Variants in PLP1 observed in about 807,000 individuals in gnomAD.
PLP1 encodes the protein proteolipid protein 1, also known as myelin proteolipid protein.
In PLP1, 2 loss-of-function variants were observed where a neutral mutation model predicts 18.5. The observed-to-expected ratio is 0.11, with a 90% confidence interval of 0.04 to 0.34. PLP1 has a LOEUF of 0.34. PLP1 is among the 10% of genes least tolerant of loss of function. The pLI is 1.00. For missense variants in PLP1, 105 were observed against 207.3 expected (o/e 0.51, Z 3.03); for synonymous variants, 86 against 83.2 (o/e 1.03, Z -0.19).
intron 3 of PLP1, 198 bp from the exon 4 acceptor site, chrX:103,787,600 G>A (rs1482516111): frequency 2.0e-5 from 9 of 456,144 alleles, no homozygotes; most frequent in Non-Finnish European, 3.1e-5. Context: ...CCCACCCTCC[G>A]TTATACTGGG....
intron 2 of PLP1, 149 bp from the exon 3 acceptor site, chrX:103,786,316 G>A: frequency 2.8e-6 from 3 of 1,056,859 alleles, no homozygotes. Flanking sequence ...TAAGGTGAAA[G>A]CATGCAGGAG....
chrX:103,779,940 G>C (rs2074438851), intron 1 of PLP1: 1 of 112,731 alleles, frequency 8.9e-6, no homozygotes, highest in African/African-American at 3.2e-5. Context: ...CAGGTCTAAA[G>C]AAGACCAAGT....
At chrX:103,780,431 G>GTC (rs35713329) in intron 1 of PLP1, among the ~76,000 whole-genome samples, 1 of 90,423 alleles carries the variant, frequency 1.1e-5, no homozygotes, top group Non-Finnish European at 2.3e-5. Flanking sequence ...CATTCATTCT[G>GTC]TCTCTCTCTG....
At chrX:103,782,074 T>C (rs1235369767) in intron 1 of PLP1, among the ~76,000 whole-genome samples, 1 of 112,521 alleles carries the variant, frequency 8.9e-6, no homozygotes, top group Non-Finnish European at 1.9e-5. Context: ...GAAAAAATAA[T>C]TTCTTGCAGG....
intron 1 of PLP1, chrX:103,781,234 G>C: frequency 3.3e-6 from 1 of 301,614 alleles, no homozygotes. Flanking sequence ...GGGAGGGAGG[G>C]TTGGGAGCTC....
chrX:103,780,433 C>CTGTG (rs1410759465), intron 1 of PLP1, among the ~76,000 whole-genome samples: 21 of 26,595 alleles, frequency 7.9e-4, no homozygotes, highest in African/African-American at 2.5e-3. Context: ...TTCATTCTGT[C>CTGTG]TCTCTCTGTG....
At chrX:103,789,090 A>G in intron 5 of PLP1, 2 of 421,693 alleles carry the variant, frequency 4.7e-6, no homozygotes, top group Non-Finnish European at 4.2e-6. Flanking sequence ...GAACCAGTTA[A>G]TTATTTTGGA....
At chrX:103,786,804 C>T in intron 3 of PLP1, 78 bp downstream of exon 3, 2 of 1,066,367 alleles carry the variant, frequency 1.9e-6, no homozygotes, top group Non-Finnish European at 2.6e-6. Flanking sequence ...TCGTCCCCAC[C>T]CAAGGCTGGG....
At chrX:103,786,005 A>T (rs1442384379) in intron 2 of PLP1, 1 of 751,084 alleles carries the variant, frequency 1.3e-6, no homozygotes, top group Non-Finnish European at 1.8e-6. Context: ...GTTTTCTTAC[A>T]CGTGTTCTGA....
intron 3 of PLP1, chrX:103,787,015 T>G: frequency 2.8e-6 from 1 of 363,359 alleles, no homozygotes; most frequent in Non-Finnish European, 4.8e-6. Flanking sequence ...TTGGTATCCC[T>G]TTGTTCCCTT....
At chrX:103,789,912 C>G (rs1466306858) in intron 6 of PLP1, among the ~76,000 whole-genome samples, 1 of 111,732 alleles carries the variant, frequency 8.9e-6, no homozygotes, top group African/African-American at 3.3e-5. Context: ...ATGCTATGTC[C>G]CAGGTCTTGC....
intron 1 of PLP1, among the ~76,000 whole-genome samples, chrX:103,784,200 T>C (rs946497138): frequency 1.8e-5 from 2 of 111,723 alleles, no homozygotes; most frequent in Non-Finnish European, 3.8e-5. Flanking sequence ...TCAGCAACAC[T>C]GGCATAGGGC....
intron 1 of PLP1, among the ~76,000 whole-genome samples, chrX:103,785,161 C>T (rs780749402): frequency 9.0e-5 from 10 of 110,831 alleles, no homozygotes; most frequent in Non-Finnish European, 1.9e-4. Context: ...CGGCAACCTC[C>T]GCCTCCTCCT....
chrX:103,785,993 T>G, intron 2 of PLP1: 10 of 266,766 alleles, frequency 3.7e-5, no homozygotes, highest in South Asian at 5.7e-5. Flanking sequence ...CCCCGCCCCC[T>G]TGTTTTCTTA....
rs760300085 is a variant in PLP1 at position 103,790,883 on chromosome X, C to G, written c.*285C>G. ...TGCAAGTCACAAAGGAATGGAGGCT[C>G]TAATTGAATTTTCAAGCATCTCCTG... On this transcript the variant is annotated 3_prime_UTR_variant, in exon 7 of 7. Transcript: ENST00000621218. 21 of 355,471 alleles carry G rather than the reference C, an allele frequency of 5.9e-5. No homozygotes were observed. The highest frequency in any genetic ancestry group is 1.0e-4 in the Non-Finnish European group (21 of 203,223). 29.3% of individuals were successfully genotyped at this position (355,471 alleles called of 1,213,427 possible).
At chrX:103,778,133 G>A (rs1237427937) in intron 1 of PLP1, among the ~76,000 whole-genome samples, 1 of 112,158 alleles carries the variant, frequency 8.9e-6, no homozygotes, top group East Asian at 2.8e-4. Flanking sequence ...TATGAACTAT[G>A]TGACCTTGGA....
At chrX:103,777,586 G>A (rs1484942215) in intron 1 of PLP1, among the ~76,000 whole-genome samples, 5 of 112,059 alleles carry the variant, frequency 4.5e-5, no homozygotes, top group East Asian at 2.8e-4. Flanking sequence ...GTGTGTATGT[G>A]CATATGTGCA....
rs777104445 is a variant in PLP1, at chrX:103,786,900, C to T, written c.453+174C>T. ...CAGGAAGAACGTGGTGCCCAGCTGG[C>T]TTAGCCTCACCTTTCAAAGGTTCCC... On this transcript the variant is annotated intron_variant, in intron 3 of 6. Coordinates refer to ENST00000621218, the MANE Select transcript of PLP1 (RefSeq NM_000533.5). 1.2e-5 allele frequency: 6 copies of T among 503,614 alleles called. No individual in the cohort carries two copies. The South Asian group carries it at 1.8e-4, about 15-fold the overall frequency. The allele number at this position is 503,614 out of a possible 1,213,427, so 41.5% of individuals were successfully genotyped here.
rs2074541752 is a variant in PLP1 at position 103,791,103 on chromosome X, A to G, written c.*505A>G. The G allele has an allele frequency of 8.4e-6, 1 of 119,417 alleles. No homozygotes were observed. The highest frequency in any genetic ancestry group is 1.7e-5 in the Non-Finnish European group (1 of 57,206). The allele number at this position is 119,417 out of a possible 1,213,427, so 9.8% of individuals were successfully genotyped here. A position where few individuals can be genotyped will look rare whatever the true frequency, so the allele number is the denominator to read the frequency against. ...ACCACTGAAGATAGAAGAAAAAAGA[A>G]TGTCAGAAAAACAATAAGAGCGTTT... On this transcript the variant is annotated 3_prime_UTR_variant, in exon 7 of 7. Transcript: ENST00000621218.
Sources: allele counts gnomAD v4.1 joint callset (sites outside exome capture counted in the v4.1 genomes callset), GRCh38; gene constraint gnomAD v4.1.1; transcripts MANE v1.5; gene names NCBI Gene and HGNC (gene_info 2026-07-23, HGNC 2026-07-21).